The following SLC1A3 variants were observed in gnomAD, a reference collection of about 807,000 sequenced individuals.
SLC1A3 encodes excitatory amino acid transporter 1.
In SLC1A3, 21 loss-of-function variants were observed where a neutral mutation model predicts 48.1. That is an observed-to-expected ratio of 0.44 (90% confidence interval 0.31 to 0.63). The LOEUF (loss-of-function observed/expected upper bound fraction) is 0.63, where lower values mean the gene tolerates loss of function less well. Ranked by LOEUF, SLC1A3 falls within the 20% of genes least tolerant of loss-of-function variation. The pLI, the probability that SLC1A3 is intolerant of heterozygous loss-of-function variation, is 0.08. For synonymous variants in SLC1A3, 239 were observed against 251.4 expected, an observed-to-expected ratio of 0.95 and a Z score of 0.47; for missense variants, 546 against 689.0, an observed-to-expected ratio of 0.79 and a Z score of 2.32.
At chr5:36,605,907 A>C (rs2731886), upstream of SLC1A3, among the ~76,000 whole-genome samples, 41,153 of 152,044 alleles carry the variant, frequency 0.27, 8,249 homozygotes, top group African/African-American at 0.56. Flanking sequence ...TGAATCACCA[A>C]ATCTCAAGTG....
chr5:36,661,842 A>G (rs3776581), intron 3 of SLC1A3, among the ~76,000 whole-genome samples: 93,600 of 152,132 alleles, frequency 0.62, 30,996 homozygotes, highest in Non-Finnish European at 0.72. Flanking sequence ...TCTGCAGTCA[A>G]TTTGAGAAGC....
At chr5:36,612,069 GCACACACACA>G (rs528207853) in intron 2 of SLC1A3, among the ~76,000 whole-genome samples, 1 of 143,150 alleles carries the variant, frequency 7.0e-6, no homozygotes, top group African/African-American at 2.6e-5. Context: ...TGGCGCACGC[GCACACACACA>G]CACACGCACA....
At chr5:36,624,295 G>A (rs1739812728) in intron 2 of SLC1A3, among the ~76,000 whole-genome samples, 1 of 152,202 alleles carries the variant, frequency 6.6e-6, no homozygotes, top group African/African-American at 2.4e-5. Context: ...GCAAAATATT[G>A]TGTACCCATT....
chr5:36,643,669 C>T (rs982579257), intron 3 of SLC1A3, among the ~76,000 whole-genome samples: 2 of 152,152 alleles, frequency 1.3e-5, no homozygotes, highest in South Asian at 2.1e-4. Flanking sequence ...TTAACACCTG[C>T]TCTAAATAAG....
rs5867332 is a variant in SLC1A3 at position 36,623,862 on chromosome 5, CAAAAAAAA to C, written c.182-5578_182-5571del. 1.3e-3 allele frequency among the ~76,000 whole-genome samples: 144 copies of C among 113,926 alleles called. 1 individual carries two copies. The highest frequency in any genetic ancestry group is 4.9e-3 in the African/African-American group (142 of 29,094). The allele number at this position is 113,926 out of a possible 152,430, so 74.7% of individuals were successfully genotyped here. On this transcript the variant is annotated intron_variant, in intron 2 of 9. Transcript: ENST00000265113. ...TGGGCGACAGAGCAAGACACCGTCT[CAAAAAAAA>C]AAAAAAAAAGAAAAGAAAAAGAAAG...
At chr5:36,643,324 TATC>T (rs1399921352) in intron 3 of SLC1A3, among the ~76,000 whole-genome samples, 2 of 152,220 alleles carry the variant, frequency 1.3e-5, no homozygotes, top group African/African-American at 4.8e-5. Context: ...CACTTCTTAT[TATC>T]TGTCTTTTAG....
chr5:36,647,247 G>A (rs1362502885), intron 3 of SLC1A3, among the ~76,000 whole-genome samples: 2 of 152,118 alleles, frequency 1.3e-5, no homozygotes, highest in African/African-American at 4.8e-5. Context: ...TTCAAGTCCT[G>A]TGAGTACTCA....
chr5:36,621,202 G>C (rs1447261419), intron 2 of SLC1A3, among the ~76,000 whole-genome samples: 2 of 152,136 alleles, frequency 1.3e-5, no homozygotes, highest in African/African-American at 4.8e-5. Flanking sequence ...CACCACGCCT[G>C]GCCGAACTAA....
intron 2 of SLC1A3, among the ~76,000 whole-genome samples, chr5:36,612,545 T>G (rs1244706830): frequency 6.6e-6 from 1 of 151,776 alleles, no homozygotes; most frequent in African/African-American, 2.4e-5. Flanking sequence ...GCCATGTTCA[T>G]GCCATTGCAC....
chr5:36,632,616 G>A lies in SLC1A3; in HGVS notation c.319+3029G>A, dbSNP rs1202325737. 1.3e-5 allele frequency among the ~76,000 whole-genome samples: 2 copies of A among 152,174 alleles called. 1 individual carries two copies. Among genetic ancestry groups the A allele is most frequent in the East Asian group, 3.8e-4 (2 of 5,200 alleles). On this transcript the variant is annotated intron_variant, in intron 3 of 9. Transcript: ENST00000265113. ...TCCCATAGGAAATATTTCCCAGTGG[G>A]GAAATACTTTATAGACTTGTTTCTC...
intron 3 of SLC1A3, among the ~76,000 whole-genome samples, chr5:36,664,954 C>A (rs1375776005): frequency 6.6e-6 from 1 of 152,136 alleles, no homozygotes; most frequent in Non-Finnish European, 1.5e-5. Context: ...GTTTTCCAGC[C>A]TCCTGGCCTT....
At position 36,679,626 on chromosome 5, in the gene SLC1A3, G is replaced by C. The variant is rs1742351773; in HGVS notation, c.861-1G>C. On this transcript the variant is annotated splice_acceptor_variant, in intron 6 of 9. Coordinates refer to ENST00000265113, the MANE Select transcript of SLC1A3 (RefSeq NM_004172.5). LOFTEE classifies it high-confidence loss of function. ...ACCGTGCTGGTGTTGCTTCTCCCCA[G>C]GTATGCCCCCGTGGGTATTCTCTTC... The C allele has an allele frequency of 6.2e-7, 1 of 1,608,848 alleles. No individual in the cohort carries two copies.
intron 9 of SLC1A3, among the ~76,000 whole-genome samples, chr5:36,684,797 T>C (rs115702821): frequency 0.015 from 2,300 of 152,314 alleles, 69 homozygotes; most frequent in African/African-American, 0.053. Flanking sequence ...TACTTGGACC[T>C]GTGTTTGTGT....
intron 2 of SLC1A3, among the ~76,000 whole-genome samples, chr5:36,619,146 A>G (rs1739566034): frequency 6.6e-6 from 1 of 152,220 alleles, no homozygotes; most frequent in African/African-American, 2.4e-5. Context: ...ACCAAAGGAC[A>G]AAAGAATGAG....
At chr5:36,663,274 A>G (rs1171948168) in intron 3 of SLC1A3, among the ~76,000 whole-genome samples, 1 of 150,898 alleles carries the variant, frequency 6.6e-6, no homozygotes, top group African/African-American at 2.4e-5. Context: ...GGAGTGCAGT[A>G]GCGTGATCTC....
At position 36,608,495 on chromosome 5, in the gene SLC1A3, A is replaced by G. The variant is rs2111656391; in HGVS notation, c.72A>G (p.Lys24=). ...RMERFQQGVR[K]RTLLAKKKVQ... ...AGAGATTCCAGCAGGGAGTCCGTAAACGCACACTTTTGGCCAAGAAGAAAG... is the reference window on the plus strand; with the variant it reads ...AGAGATTCCAGCAGGGAGTCCGTAAGCGCACACTTTTGGCCAAGAAGAAAG... The change falls in exon 2 of 10, where the codon AAA becomes AAG. Residue 24 remains lysine (K), a synonymous_variant. Coordinates refer to ENST00000265113, the MANE Select transcript of SLC1A3 (RefSeq NM_004172.5). 1 of 1,614,074 alleles carries G rather than the reference A, an allele frequency of 6.2e-7. No homozygotes were observed. Among genetic ancestry groups the G allele is most frequent in the East Asian group, 2.2e-5 (1 of 44,880 alleles).
chr5:36,669,554 T>C (rs1439154558), intron 3 of SLC1A3: 3 of 152,158 alleles, frequency 2.0e-5, no homozygotes, highest in African/African-American at 7.2e-5. Flanking sequence ...TGGTGTTAAG[T>C]CCTTTAAACT....
chr5:36,622,571 C>T (rs1026191792), intron 2 of SLC1A3, among the ~76,000 whole-genome samples: 47 of 152,098 alleles, frequency 3.1e-4, no homozygotes, highest in African/African-American at 1.1e-3. Flanking sequence ...AAATGTGGAC[C>T]AAATTCTTAA....
intron 1 of SLC1A3, among the ~76,000 whole-genome samples, chr5:36,598,523 C>CTCTT (rs1224617622): frequency 6.6e-6 from 1 of 152,204 alleles, no homozygotes; most frequent in African/African-American, 2.4e-5. Context: ...TTTCCAAAGA[C>CTCTT]TCTTCTATAA....
Sources: allele counts gnomAD v4.1 joint callset (sites outside exome capture counted in the v4.1 genomes callset), GRCh38; gene constraint gnomAD v4.1.1; transcripts MANE v1.5; gene names NCBI Gene and HGNC (gene_info 2026-07-23, HGNC 2026-07-21).